ARMC9: variants seen among roughly 807,000 people sequenced by gnomAD.
ARMC9 encodes the protein lisH domain-containing protein ARMC9.
Under a neutral mutation model 107.0 loss-of-function variants are expected in ARMC9, and 94 were observed. The observed-to-expected ratio is 0.88, with a 90% confidence interval of 0.74 to 1.04. The LOEUF (loss-of-function observed/expected upper bound fraction) is 1.04. Ranked by LOEUF, ARMC9 falls within the 50% of genes least tolerant of loss-of-function variation. ARMC9 has a pLI of 0.00. For missense variants in ARMC9, 942 were observed against 1,030.1 expected, an observed-to-expected ratio of 0.91 and a Z score of 1.17; for synonymous variants, 380 against 396.9, an observed-to-expected ratio of 0.96 and a Z score of 0.51.
chr2:231,346,427 A>G (rs2044818260), intron 21 of ARMC9, among the ~76,000 whole-genome samples: 2 of 152,200 alleles, frequency 1.3e-5, no homozygotes, highest in South Asian at 4.1e-4. Context: ...AGGCTGAGGC[A>G]GGAGAATGCC....
chr2:231,262,961 G>T (rs191695614), intron 12 of ARMC9, among the ~76,000 whole-genome samples: 2 of 150,366 alleles, frequency 1.3e-5, no homozygotes, highest in Non-Finnish European at 2.9e-5. Flanking sequence ...TCGGGAGGTC[G>T]TTGGGATGAT....
intron 7 of ARMC9, among the ~76,000 whole-genome samples, chr2:231,234,361 C>T (rs2035519080): frequency 6.6e-6 from 1 of 152,190 alleles, no homozygotes; most frequent in Non-Finnish European, 1.5e-5. Context: ...TTCTAAGCTG[C>T]TTGCTGTAAG....
intron 19 of ARMC9, among the ~76,000 whole-genome samples, chr2:231,321,660 C>CCCTA (rs1179966497): frequency 6.6e-6 from 1 of 152,026 alleles, no homozygotes; most frequent in Non-Finnish European, 1.5e-5. Flanking sequence ...CTGCCTTGGT[C>CCCTA]CCTAGGTCTT....
intron 7 of ARMC9, among the ~76,000 whole-genome samples, chr2:231,228,142 A>C (rs1232971050): frequency 6.6e-6 from 1 of 152,182 alleles, no homozygotes; most frequent in East Asian, 1.9e-4. Flanking sequence ...GCTCACATCC[A>C]ACACAGCTGG....
intron 17 of ARMC9, among the ~76,000 whole-genome samples, chr2:231,288,385 C>A (rs2040754560): frequency 6.6e-6 from 1 of 151,962 alleles, no homozygotes; most frequent in Non-Finnish European, 1.5e-5. Context: ...ATGTTGTTTG[C>A]AAGTTTTCTA....
chr2:231,321,989 A>G (rs1427496858), intron 19 of ARMC9, among the ~76,000 whole-genome samples: 3 of 152,280 alleles, frequency 2.0e-5, no homozygotes, highest in African/African-American at 4.8e-5. Flanking sequence ...AAGCAAGTAA[A>G]CTGAGCGGCG....
At chr2:231,361,039 G>C (rs2045555256) in intron 23 of ARMC9, among the ~76,000 whole-genome samples, 156 bp downstream of exon 23, 1 of 152,342 alleles carries the variant, frequency 6.6e-6, no homozygotes, top group South Asian at 2.1e-4. Context: ...ATTCCCAGCG[G>C]AGTGCAGCCG....
intron 9 of ARMC9, among the ~76,000 whole-genome samples, chr2:231,252,305 A>G (rs1321294297): frequency 2.0e-5 from 3 of 152,154 alleles, no homozygotes. Context: ...GCTGGAATGC[A>G]ATGGCACGAT....
rs372430851 is a variant in ARMC9 at position 231,276,790 on chromosome 2, C to T, written c.1474+15C>T. ...CCGCAGCACAGGTCTCAGCCCCGACCCTCATTCTAGTGCAAGAAGGGGAAG... is the reference window on the plus strand; with the variant it reads ...CCGCAGCACAGGTCTCAGCCCCGACTCTCATTCTAGTGCAAGAAGGGGAAG... On this transcript the variant is annotated intron_variant, in intron 15 of 24. Transcript: ENST00000611582. 248 of 1,613,326 alleles carry T rather than the reference C, an allele frequency of 1.5e-4. No homozygotes were observed. The African/African-American group carries it at 2.7e-3, about 18-fold the overall frequency.
chr2:231,368,454 T>C (rs1016673107), intron 23 of ARMC9, among the ~76,000 whole-genome samples: 4 of 152,060 alleles, frequency 2.6e-5, no homozygotes, highest in African/African-American at 9.7e-5. Context: ...AATACCCAAC[T>C]CTTGTAAATG....
chr2:231,370,053 CTG>C lies in ARMC9; in HGVS notation c.2364_2365del (p.Phe789LeufsTer178). On this transcript the variant is annotated frameshift_variant, in exon 24 of 25. Coordinates refer to ENST00000611582, the MANE Select transcript of ARMC9 (RefSeq NM_001352754.2). LOFTEE classifies it high-confidence loss of function. ...PKAKASVLAP[L>X]FSSCGPQQAS... Reference sequence around the variant, plus strand: ...GGCAAAGGCGTCAGTTCTGGCCCCTCTGTTCTCTTCGTGTGGCCCCCAGCAGG... The same window carrying C: ...GGCAAAGGCGTCAGTTCTGGCCCCTCTTCTCTTCGTGTGGCCCCCAGCAGG... 1 of 1,535,578 alleles carries C rather than the reference CTG, an allele frequency of 6.5e-7. No homozygotes were observed. Among genetic ancestry groups the C allele is most frequent in the East Asian group, 2.4e-5 (1 of 40,844 alleles).
Position 231,330,812 on chromosome 2 carries a change from GTAAAGGAAGCAGGCTTTGGC to G in ARMC9, c.1774-961_1774-942del, listed in dbSNP as rs570673949. Among the ~76,000 whole-genome samples, 316 of 132,460 alleles carry G rather than the reference GTAAAGGAAGCAGGCTTTGGC, an allele frequency of 2.4e-3. 5 individuals carry two copies. The East Asian group carries it at 0.054, about 23-fold the overall frequency. The allele number at this position is 132,460 out of a possible 152,430, so 86.9% of individuals were successfully genotyped here. On this transcript the variant is annotated intron_variant, in intron 19 of 24. Transcript: ENST00000611582. ...TTTGGCTAAAGGAAGCAGGCTTTGG[GTAAAGGAAGCAGGCTTTGGC>G]TAAAGGAAGCAGGCTTTGGGGGGCT...
chr2:231,213,991 C>T (rs1332077332), intron 3 of ARMC9, among the ~76,000 whole-genome samples: 1 of 152,222 alleles, frequency 6.6e-6, no homozygotes, highest in Non-Finnish European at 1.5e-5. Context: ...TGACTTCTGC[C>T]TGATACTTAA....
chr2:231,275,842 A>G (rs776366902), intron 14 of ARMC9, among the ~76,000 whole-genome samples: 12 of 152,216 alleles, frequency 7.9e-5, no homozygotes, highest in Non-Finnish European at 1.2e-4. Context: ...AATCCCAGCT[A>G]CTTGGGAGGC....
chr2:231,326,320 A>G (rs993487114), intron 19 of ARMC9, among the ~76,000 whole-genome samples: 1 of 152,244 alleles, frequency 6.6e-6, no homozygotes, highest in African/African-American at 2.4e-5. Flanking sequence ...TAAGATGTAA[A>G]GTGCTATGGA....
At chr2:231,277,584 GAA>G (rs1183805941) in intron 15 of ARMC9, among the ~76,000 whole-genome samples, 4 of 140,882 alleles carry the variant, frequency 2.8e-5, no homozygotes, top group Admixed American at 7.2e-5. Flanking sequence ...TTTTTGAGAT[GAA>G]GTCACGCTCC....
In ARMC9 at chr2:231,206,283, G is replaced by A. The variant is rs978107338; in HGVS notation, c.45G>A (p.Val15=). The A allele has an allele frequency of 2.5e-6, 4 of 1,613,258 alleles. No homozygotes were observed. The highest frequency in any genetic ancestry group is 2.7e-5 in the African/African-American group (2 of 75,028). ...ATGAATCTGAATTACTTGGACTAGT[G>A]AAAGAGGTAGGTATATTATACAAAG... ...LAHESELLGL[V]KEYLDFAEFE... Residue 15 remains valine, a synonymous_variant, in exon 2 of 25, where the codon GTG becomes GTA. Transcript: ENST00000611582.
rs927548964 is a variant in ARMC9, at chr2:231,360,444, G to A, written c.2132-310G>A. On this transcript the variant is annotated intron_variant, in intron 22 of 24. Coordinates refer to ENST00000611582, the MANE Select transcript of ARMC9 (RefSeq NM_001352754.2). The surrounding 1 kb of genome is among the most constrained non-coding windows in gnomAD (Gnocchi z 4.7). ...TCTGGGGGCGCCTAGCCATGGCCCA[G>A]GGAGACAATTTGTTGTTCTGAGGGC... Among the ~76,000 whole-genome samples the A allele has an allele frequency of 6.6e-6, 1 of 152,226 alleles. No homozygotes were observed. Among genetic ancestry groups the A allele is most frequent in the African/African-American group, 2.4e-5 (1 of 41,458 alleles).
intron 20 of ARMC9, 32 bp from the exon 21 acceptor site, chr2:231,344,943 C>T (rs369146450): frequency 3.1e-6 from 5 of 1,609,018 alleles, no homozygotes; most frequent in Non-Finnish European, 4.3e-6. Flanking sequence ...ATAGATATTT[C>T]TCCAGCCCTT....
Sources: allele counts gnomAD v4.1 joint callset (sites outside exome capture counted in the v4.1 genomes callset), GRCh38; gene constraint gnomAD v4.1.1; non-coding constraint Gnocchi (gnomAD v3.1); transcripts MANE v1.5; gene names NCBI Gene and HGNC (gene_info 2026-07-23, HGNC 2026-07-21).